The following NTAQ1 variants were observed in gnomAD, a reference collection of about 807,000 sequenced individuals.
NTAQ1 encodes protein N-terminal glutamine amidohydrolase.
NTAQ1 carries 21 observed loss-of-function variants against 28.2 expected under a neutral mutation model. That is an observed-to-expected ratio of 0.74 (90% CI 0.53 to 1.07). The LOEUF (loss-of-function observed/expected upper bound fraction) is 1.07. NTAQ1 is among the 50% of genes least tolerant of loss of function. The pLI is 0.00. For missense variants in NTAQ1, 264 were observed against 256.6 expected, an observed-to-expected ratio of 1.03 and a Z score of -0.20; for synonymous variants, 105 against 90.0, an observed-to-expected ratio of 1.17 and a Z score of -0.94.
At chr8:123,430,998 C>CT (rs1814358330) in intron 3 of NTAQ1, among the ~76,000 whole-genome samples, 1 of 152,042 alleles carries the variant, frequency 6.6e-6, no homozygotes, top group African/African-American at 2.4e-5. Context: ...CACCTGGGTC[C>CT]TTTTTAGTAC....
chr8:123,470,003 G>A (rs999166295), exon 7 of NTAQ1, among the ~76,000 whole-genome samples: 16 of 152,204 alleles, frequency 1.1e-4, no homozygotes, highest in African/African-American at 3.6e-4. Context: ...CTTTTGGGAG[G>A]TAATTAGATA....
chr8:123,460,857 A>G (rs1487603623), intron 6 of NTAQ1, among the ~76,000 whole-genome samples: 1 of 152,222 alleles, frequency 6.6e-6, no homozygotes, highest in Non-Finnish European at 1.5e-5. Flanking sequence ...AAAGGAAGCA[A>G]GGAGAGAATA....
intron 3 of NTAQ1, among the ~76,000 whole-genome samples, chr8:123,430,694 T>C (rs1008383894): frequency 2.6e-5 from 4 of 152,088 alleles, no homozygotes; most frequent in African/African-American, 9.7e-5. Context: ...GGCAGGAGAA[T>C]TGCTTGAACC....
chr8:123,431,774 C>T (rs10447968), intron 3 of NTAQ1, among the ~76,000 whole-genome samples: 54,802 of 151,720 alleles, frequency 0.36, 9,952 homozygotes, highest in East Asian at 0.56. Context: ...GGTCGTGAGG[C>T]TTAAATGAGG....
chr8:123,419,146 T>G (rs11787093), intron 1 of NTAQ1, among the ~76,000 whole-genome samples: 1 of 145,492 alleles, frequency 6.9e-6, no homozygotes, highest in East Asian at 2.0e-4. Context: ...TTGCCCAGGC[T>G]GGAGTGCAAT....
downstream of NTAQ1, among the ~76,000 whole-genome samples, chr8:123,451,977 T>G (rs1308550187): frequency 6.6e-6 from 1 of 152,224 alleles, no homozygotes; most frequent in Admixed American, 6.5e-5. Flanking sequence ...AGCCCTACTC[T>G]TCCACCTTTT....
downstream of NTAQ1, among the ~76,000 whole-genome samples, chr8:123,474,911 A>G (rs191676211): frequency 2.8e-4 from 43 of 152,268 alleles, no homozygotes; most frequent in South Asian, 6.2e-4. Context: ...AAACAAAACT[A>G]TGCAAATATC....
At chr8:123,429,956 G>T (rs776183615) in intron 2 of NTAQ1, 27 bp from the exon 3 acceptor site, 2 of 1,569,268 alleles carry the variant, frequency 1.3e-6, no homozygotes, top group East Asian at 2.2e-5. Flanking sequence ...TAAAGGTATG[G>T]CTTACGAAAT....
At chr8:123,447,953 A>G (rs561301382) in intron 6 of NTAQ1, 25 of 152,294 alleles carry the variant, frequency 1.6e-4, no homozygotes, top group African/African-American at 6.0e-4. Context: ...CCATGTGACC[A>G]GCTGAATATA....
At chr8:123,443,911 C>G (rs1478758343), downstream of NTAQ1, among the ~76,000 whole-genome samples, 3 of 152,260 alleles carry the variant, frequency 2.0e-5, no homozygotes, top group African/African-American at 4.8e-5. Flanking sequence ...ATTCCTTTTT[C>G]TCTTCAGCTT....
chr8:123,439,574 C>G (rs940836445), intron 5 of NTAQ1, among the ~76,000 whole-genome samples: 1 of 152,006 alleles, frequency 6.6e-6, no homozygotes, highest in Non-Finnish European at 1.5e-5. Flanking sequence ...TCTCGATCTC[C>G]TGACCTCGTG....
At chr8:123,462,261 T>G (rs1275711816) in intron 6 of NTAQ1, among the ~76,000 whole-genome samples, 1 of 152,180 alleles carries the variant, frequency 6.6e-6, no homozygotes, top group East Asian at 1.9e-4. Flanking sequence ...CTCTCCAGGT[T>G]GGTCTTGAAC....
At chr8:123,433,668 G>A (rs1045848136) in intron 3 of NTAQ1, among the ~76,000 whole-genome samples, 2 of 152,062 alleles carry the variant, frequency 1.3e-5, no homozygotes, top group Non-Finnish European at 1.5e-5. Flanking sequence ...GGCTGGTCTT[G>A]AACTCCTGAC....
chr8:123,440,189 T>C (rs1376180715), intron 5 of NTAQ1, among the ~76,000 whole-genome samples: 3 of 143,216 alleles, frequency 2.1e-5, no homozygotes, highest in Non-Finnish European at 4.5e-5. Flanking sequence ...GGAGTCTTGC[T>C]CTATTGCCCA....
chr8:123,449,072 G>A (rs904553789), downstream of NTAQ1, among the ~76,000 whole-genome samples: 1 of 152,182 alleles, frequency 6.6e-6, no homozygotes, highest in Non-Finnish European at 1.5e-5. Context: ...TCCTGGGAAG[G>A]AAAGAAAGAA....
At position 123,458,799 on chromosome 8, in the gene NTAQ1, T is replaced by G. The variant is rs541873282; in HGVS notation, c.373-8280T>G. 1.1e-3 allele frequency among the ~76,000 whole-genome samples: 167 copies of G among 152,042 alleles called. 2 individuals are homozygous for G. The highest frequency in any genetic ancestry group is 5.3e-3 in the Admixed American group (81 of 15,266). ...GCACGCCCGGCTAATTTTTTGTATTTTTAGTAGAGATGGGGTTTCACCGTG... is the reference window on the plus strand; with the variant it reads ...GCACGCCCGGCTAATTTTTTGTATTGTTAGTAGAGATGGGGTTTCACCGTG... On this transcript the variant is annotated intron_variant, in intron 6 of 6. Coordinates refer to the NTAQ1 transcript ENST00000650311.
At position 123,416,834 on chromosome 8, in the gene NTAQ1, G is replaced by C. The variant is rs568499775; in HGVS notation, c.-16G>C. Reference sequence around the variant, plus strand: ...CGGTCTTCCTCCGGCCCGGGCCCTGGCCCAGCTAGCCGGCCATGGAAGGTA... The same window carrying C: ...CGGTCTTCCTCCGGCCCGGGCCCTGCCCCAGCTAGCCGGCCATGGAAGGTA... On this transcript the variant is annotated 5_prime_UTR_variant, in exon 1 of 6. Coordinates refer to ENST00000287387, the MANE Select transcript of NTAQ1 (RefSeq NM_018024.3). 3,486 of 1,525,526 alleles carry C rather than the reference G, an allele frequency of 2.3e-3. 54 individuals carry two copies. In the South Asian group the frequency reaches 0.025, roughly 11 times the overall value. 94.5% of individuals were successfully genotyped at this position (1,525,526 alleles called of 1,614,324 possible).
downstream of NTAQ1, among the ~76,000 whole-genome samples, chr8:123,450,575 A>T (rs1224407046): frequency 6.6e-6 from 1 of 152,150 alleles, no homozygotes; most frequent in Non-Finnish European, 1.5e-5. Context: ...TCTGTCCTCC[A>T]GGGCCACTGT....
At chr8:123,453,796 A>G (rs1815572955) in intron 6 of NTAQ1, among the ~76,000 whole-genome samples, 1 of 152,220 alleles carries the variant, frequency 6.6e-6, no homozygotes, top group South Asian at 2.1e-4. Flanking sequence ...GGTAGATACC[A>G]TTATTCTCCT....
Sources: allele counts gnomAD v4.1 joint callset (sites outside exome capture counted in the v4.1 genomes callset), GRCh38; gene constraint gnomAD v4.1.1; transcripts MANE v1.5; gene names NCBI Gene and HGNC (gene_info 2026-07-23, HGNC 2026-07-21).